Variants in TPPP observed in about 807,000 individuals in gnomAD.
TPPP encodes the protein tubulin polymerization promoting protein, also known as tubulin polymerization-promoting protein.
TPPP carries 6 observed loss-of-function variants against 15.5 expected under a neutral mutation model. That is an observed-to-expected ratio of 0.39 (90% CI 0.21 to 0.77). The LOEUF is 0.77. TPPP is among the 30% of genes least tolerant of loss of function. TPPP has a pLI of 0.42. For missense variants in TPPP, 269 were observed against 307.2 expected (o/e 0.88, Z 0.93); for synonymous variants, 146 against 133.9 (o/e 1.09, Z -0.63).
At chr5:698,894 C>A in the TPPP span, among the ~76,000 whole-genome samples, 6 of 152,016 alleles carry the variant, frequency 3.9e-5, no homozygotes, top group East Asian at 1.9e-4. Context: ...GGCCAAGAAC[C>A]AAATCAGGAA....
At chr5:677,221 G>A (rs1740480952) in intron 2 of TPPP, among the ~76,000 whole-genome samples, 3 of 152,334 alleles carry the variant, frequency 2.0e-5, no homozygotes, top group South Asian at 2.1e-4. Flanking sequence ...GAGGGGCTGG[G>A]GGACACCCGA....
chr5:700,504 C>T, the TPPP span, among the ~76,000 whole-genome samples: 13 of 151,790 alleles, frequency 8.6e-5, no homozygotes, highest in Non-Finnish European at 1.5e-4. Context: ...ACTATTCAGG[C>T]GATGGGTACA....
intron 2 of TPPP, among the ~76,000 whole-genome samples, chr5:677,234 G>T (rs60985050): frequency 3.3e-5 from 5 of 152,194 alleles, no homozygotes; most frequent in African/African-American, 1.2e-4. Context: ...ACACCCGAAT[G>T]GCCAGCTCCA....
At chr5:665,579 G>A (rs1055548846) in intron 3 of TPPP, among the ~76,000 whole-genome samples, 1 of 151,940 alleles carries the variant, frequency 6.6e-6, no homozygotes, top group Non-Finnish European at 1.5e-5. Context: ...GGGGCTGTCA[G>A]AACAGCCAGG....
intron 2 of TPPP, among the ~76,000 whole-genome samples, chr5:675,136 G>A (rs78917688): frequency 1.7e-3 from 172 of 99,052 alleles, no homozygotes; most frequent in South Asian, 5.5e-3. Flanking sequence ...GTGGCCAGGG[G>A]TGCAGTGTGG....
At chr5:700,445 G>A in the TPPP span, among the ~76,000 whole-genome samples, 18,007 of 151,302 alleles carry the variant, frequency 0.12, 1,382 homozygotes, top group Non-Finnish European at 0.17. Flanking sequence ...AAAGGTGGGA[G>A]GGTGGAAGGG....
chr5:673,432 T>C (rs10063287), intron 2 of TPPP, among the ~76,000 whole-genome samples: 3,707 of 151,480 alleles, frequency 0.024, 158 homozygotes, highest in African/African-American at 0.085. Flanking sequence ...GGGGCCAGGG[T>C]CACAGGGGTC....
At position 692,573 on chromosome 5, in the gene TPPP, C is replaced by T. The variant is rs184621558; in HGVS notation, c.-5+705G>A. ...ACAGGCTTCTCACCTCCCTCGGCTC[C>T]GTTTACGTAACCGAAACCGCAGAAT... On this transcript the variant is annotated intron_variant, in intron 1 of 3. Transcript: ENST00000360578. The T allele has an allele frequency of 6.7e-4, 661 of 982,358 alleles. No individual in the cohort carries two copies. In the African/African-American group the frequency reaches 0.011, roughly 16 times the overall value. 60.9% of individuals were successfully genotyped at this position (982,358 alleles called of 1,614,324 possible). A position where few individuals can be genotyped will look rare whatever the true frequency, so the allele number is the denominator to read the frequency against.
the TPPP span, among the ~76,000 whole-genome samples, chr5:700,389 T>C: frequency 2.6e-5 from 4 of 152,090 alleles, no homozygotes; most frequent in Admixed American, 1.3e-4. Flanking sequence ...AAACAATGTA[T>C]ACACATGGAC....
chr5:665,416 C>T, intron 3 of TPPP, 120 bp from the exon 4 acceptor site: 2 of 907,318 alleles, frequency 2.2e-6, no homozygotes, highest in South Asian at 3.4e-5. Context: ...GGGGCATAAA[C>T]CCTGGGATTT....
At chr5:679,523 CAG>C (rs1437617559) in intron 1 of TPPP, among the ~76,000 whole-genome samples, 3 of 151,900 alleles carry the variant, frequency 2.0e-5, no homozygotes, top group African/African-American at 7.3e-5. Flanking sequence ...TTGTCTGAAA[CAG>C]GAGCTTCTCA....
chr5:684,166 C>T (rs1232540287), intron 1 of TPPP, among the ~76,000 whole-genome samples: 6 of 152,242 alleles, frequency 3.9e-5, no homozygotes, highest in Admixed American at 1.3e-4. Context: ...ACCTTGACGC[C>T]GAAGCCCTGG....
intron 2 of TPPP, among the ~76,000 whole-genome samples, chr5:674,918 G>A (rs1740350743): frequency 6.7e-6 from 1 of 150,308 alleles, no homozygotes; most frequent in Non-Finnish European, 1.5e-5. Context: ...TGCAGAGTCA[G>A]GCGCCAGTTG....
At chr5:679,083 C>G (rs575839299) in intron 1 of TPPP, among the ~76,000 whole-genome samples, 2 of 152,238 alleles carry the variant, frequency 1.3e-5, no homozygotes, top group East Asian at 1.9e-4. Context: ...TGGGAGGGTC[C>G]GTGCCGAGGA....
At chr5:697,654 C>CCTGTAA (rs1218714118), upstream of TPPP, among the ~76,000 whole-genome samples, 6 of 152,038 alleles carry the variant, frequency 3.9e-5, no homozygotes, top group African/African-American at 1.4e-4. Flanking sequence ...AGCTTCTGTC[C>CCTGTAA]CTGTAACTGT....
intron 1 of TPPP, among the ~76,000 whole-genome samples, chr5:682,246 G>A (rs976250744): frequency 2.1e-5 from 3 of 144,342 alleles, no homozygotes; most frequent in African/African-American, 8.4e-5. Flanking sequence ...AGGACTGACT[G>A]GGCTCTGTCA....
upstream of TPPP, among the ~76,000 whole-genome samples, chr5:698,285 T>G (rs1201809180): frequency 2.0e-5 from 3 of 152,052 alleles, no homozygotes; most frequent in African/African-American, 4.8e-5. Flanking sequence ...ACCACTCTTA[T>G]TCAACACAGT....
chr5:696,596 G>A (rs1372971314), upstream of TPPP, among the ~76,000 whole-genome samples: 1 of 133,518 alleles, frequency 7.5e-6, no homozygotes, highest in Non-Finnish European at 1.7e-5. Context: ...GGTCAGAGGG[G>A]GTGGTCAGTG....
chr5:681,968 G>A (rs903468670), intron 1 of TPPP, among the ~76,000 whole-genome samples: 12 of 152,066 alleles, frequency 7.9e-5, no homozygotes, highest in African/African-American at 2.2e-4. Flanking sequence ...CCCAGACACC[G>A]CAGGCCACCT....
Sources: allele counts gnomAD v4.1 joint callset (sites outside exome capture counted in the v4.1 genomes callset), GRCh38; gene constraint gnomAD v4.1.1; transcripts MANE v1.5; gene names NCBI Gene and HGNC (gene_info 2026-07-23, HGNC 2026-07-21).